DDX52: variants seen among roughly 807,000 people sequenced by gnomAD.
DDX52 encodes probable ATP-dependent RNA helicase DDX52.
Under a neutral mutation model 76.1 loss-of-function variants are expected in DDX52, and 59 were observed. The ratio of observed to expected loss-of-function variants is 0.78; its 90% confidence interval spans 0.63 to 0.96. The LOEUF is 0.96. DDX52 is among the 40% of genes least tolerant of loss of function. The probability of loss-of-function intolerance (pLI) is 0.00; values close to 1 mark genes in which losing one functional copy is unlikely to be tolerated. For synonymous variants in DDX52, 231 were observed against 244.1 expected, an observed-to-expected ratio of 0.95 and a Z score of 0.50; for missense variants, 707 against 703.9, an observed-to-expected ratio of 1.00 and a Z score of -0.05.
rs373274448 is a variant in DDX52 at position 37,618,784 on chromosome 17, C to A, written c.1650-400G>T. Among the ~76,000 whole-genome samples, 16 of 152,256 alleles carry A rather than the reference C, an allele frequency of 1.1e-4. No homozygotes were observed. The South Asian group carries it at 3.3e-3, about 32-fold the overall frequency. ...ACAGGCGTGAGCTACCACGCTCAGC[C>A]ACAAAATTCATTTTTCAAAACCATT... On this transcript the variant is annotated intron_variant, in intron 13 of 14. Transcript: ENST00000617633.
At chr17:37,619,938 C>T (rs2029996375) in intron 12 of DDX52, 99 bp from the exon 13 acceptor site, 2 of 1,103,718 alleles carry the variant, frequency 1.8e-6, no homozygotes, top group Non-Finnish European at 2.7e-6. Flanking sequence ...TAAAACTACA[C>T]AAAGTAATCC....
chr17:37,642,351 C>T, intron 1 of DDX52, 43 bp from the exon 2 acceptor site: 1 of 1,567,994 alleles, frequency 6.4e-7, no homozygotes, highest in South Asian at 1.1e-5. Flanking sequence ...TGACAGAATA[C>T]CATTGCTTTC....
At chr17:37,618,809 T>G (rs1474711284) in intron 13 of DDX52, among the ~76,000 whole-genome samples, 1 of 152,096 alleles carries the variant, frequency 6.6e-6, no homozygotes, top group Non-Finnish European at 1.5e-5. Flanking sequence ...TCAAAACCAT[T>G]TACTGGTTTA....
intron 4 of DDX52, chr17:37,631,173 T>A (rs1197456470): frequency 1.3e-5 from 2 of 152,156 alleles, no homozygotes; most frequent in African/African-American, 4.8e-5. Flanking sequence ...AAAACCCAAC[T>A]CTTATTGCTA....
At chr17:37,636,093 T>C (rs1007172628) in intron 2 of DDX52, among the ~76,000 whole-genome samples, 4 of 152,206 alleles carry the variant, frequency 2.6e-5, no homozygotes, top group Admixed American at 2.6e-4. Context: ...GAATGAAAAT[T>C]TTTAGTTTCG....
chr17:37,638,391 C>G (rs1210250987), intron 2 of DDX52, among the ~76,000 whole-genome samples: 1 of 152,192 alleles, frequency 6.6e-6, no homozygotes, highest in Non-Finnish European at 1.5e-5. Flanking sequence ...CCTCTCCACT[C>G]TACTGGATTT....
Position 37,625,871 on chromosome 17 carries a change from TAATG to T in DDX52, c.1136+20_1136+23del, listed in dbSNP as rs1472463392. On this transcript the variant is annotated intron_variant, in intron 8 of 14. Transcript: ENST00000617633. ...GTATTTAAAAAAAAAATCAGTGTGA[TAATG>T]TTGAGAAACAATTAAATACCTTGCT... The T allele has an allele frequency of 6.2e-7, 1 of 1,613,014 alleles. No homozygotes were observed. The highest frequency in any genetic ancestry group is 2.2e-5 in the East Asian group (1 of 44,886).
Position 37,626,806 on chromosome 17 carries a change from G to A in DDX52, c.914C>T (p.Pro305Leu), listed in dbSNP as rs1306748398. ...RLIYLLKQDP[P>L]GIDLASVEWL... ...TCTATACCTTGCTAGGTCGATTCCGGGGGGATCTTGCTTTAATAAATAGAT... is the reference window on the plus strand; with the variant it reads ...TCTATACCTTGCTAGGTCGATTCCGAGGGGATCTTGCTTTAATAAATAGAT... Residue 305 changes from proline (P) to leucine (L), a missense_variant, in exon 7 of 15, where the codon CCC (proline) becomes CTC (leucine). Physicochemically the swap from Pro to Leu is moderately conservative, Grantham distance 98. Transcript: ENST00000617633. 5 of 1,611,534 alleles carry A rather than the reference G, an allele frequency of 3.1e-6. No individual in the cohort carries two copies. The highest frequency in any genetic ancestry group is 3.4e-6 in the Non-Finnish European group (4 of 1,179,226).
chr17:37,618,429 C>T lies in DDX52; in HGVS notation c.1650-45G>A, dbSNP rs376597471. The T allele has an allele frequency of 2.8e-5, 40 of 1,442,792 alleles. No homozygotes were observed. The Admixed American group carries it at 2.9e-4, about 10-fold the overall frequency. The allele number at this position is 1,442,792 out of a possible 1,614,324, so 89.4% of individuals were successfully genotyped here. ...AAAGGAAAAGAATTAAGTGCAACTT[C>T]AATTAGAAGAGTTAAAGCTAAAATT... On this transcript the variant is annotated intron_variant, in intron 13 of 14. Transcript: ENST00000617633.
intron 3 of DDX52, 138 bp from the exon 4 acceptor site, chr17:37,632,436 C>T: frequency 1.2e-6 from 1 of 840,954 alleles, no homozygotes; most frequent in Non-Finnish European, 1.9e-6. Context: ...AGAATCAAAA[C>T]ATCACAGATA....
At chr17:37,639,882 C>T (rs549688512) in intron 2 of DDX52, among the ~76,000 whole-genome samples, 39 of 152,208 alleles carry the variant, frequency 2.6e-4, no homozygotes, top group African/African-American at 8.9e-4. Flanking sequence ...AAGTTTGTGG[C>T]GTGTCTTTCT....
rs1258535749 is a variant in DDX52, at chr17:37,609,917, C to T, written c.*4379G>A. 1.3e-5 allele frequency: 2 copies of T among 152,194 alleles called. No individual in the cohort carries two copies. The highest frequency in any genetic ancestry group is 4.8e-5 in the African/African-American group (2 of 41,414). The allele number at this position is 152,194 out of a possible 1,614,324, so 9.4% of individuals were successfully genotyped here. ...TGGCACCTATCACAGACGCTGAAGGCATTTAAATTTTATTTTAAATCAACC... is the reference window on the plus strand; with the variant it reads ...TGGCACCTATCACAGACGCTGAAGGTATTTAAATTTTATTTTAAATCAACC... On this transcript the variant is annotated 3_prime_UTR_variant, in exon 15 of 15. Transcript: ENST00000617633.
chr17:37,623,570 G>GTTCAC (rs1006360610), intron 9 of DDX52, among the ~76,000 whole-genome samples: 6 of 152,116 alleles, frequency 3.9e-5, no homozygotes. Context: ...AACACATGGT[G>GTTCAC]TTCACTTCCA....
chr17:37,635,657 TA>T (rs2030891525), intron 2 of DDX52: 1 of 455,552 alleles, frequency 2.2e-6, no homozygotes. Context: ...GCAATGTTGC[TA>T]TGAAAATTTG....
chr17:37,628,616 GATC>G lies in DDX52; in HGVS notation c.801_803del (p.Met267del), dbSNP rs781766365. On this transcript the variant is annotated inframe_deletion, in exon 6 of 15. Transcript: ENST00000617633. ...TCTTGGCTGCCACTGCTGCTTTGTG[GATC>G]ATGTGTATTCTGAATCCTGTTCCCT... The G allele has an allele frequency of 6.2e-7, 1 of 1,611,540 alleles. No homozygotes were observed. The highest frequency in any genetic ancestry group is 1.1e-5 in the South Asian group (1 of 90,178).
chr17:37,637,973 GA>G (rs1311748776), intron 2 of DDX52, among the ~76,000 whole-genome samples: 5 of 152,338 alleles, frequency 3.3e-5, no homozygotes, highest in Non-Finnish European at 5.9e-5. Flanking sequence ...CAAGAGCAGA[GA>G]TTTCAAAAGA....
chr17:37,642,428 A>G, intron 1 of DDX52, 120 bp from the exon 2 acceptor site: 1 of 1,166,722 alleles, frequency 8.6e-7, no homozygotes, highest in South Asian at 1.4e-5. Context: ...TGTCGAGCTA[A>G]CAGGTGTCTG....
chr17:37,617,621 T>G (rs1490136866), intron 14 of DDX52, among the ~76,000 whole-genome samples: 1 of 152,246 alleles, frequency 6.6e-6, no homozygotes, highest in Non-Finnish European at 1.5e-5. Context: ...GAGATCATAT[T>G]GAAATCCTGC....
intron 14 of DDX52, 144 bp downstream of exon 14, chr17:37,618,148 G>A (rs2029892390): frequency 3.2e-6 from 2 of 627,494 alleles, no homozygotes; most frequent in Non-Finnish European, 5.2e-6. Flanking sequence ...CCAATTATAG[G>A]CAACCTAAAA....
Sources: allele counts gnomAD v4.1 joint callset (sites outside exome capture counted in the v4.1 genomes callset), GRCh38; gene constraint gnomAD v4.1.1; transcripts MANE v1.5; gene names NCBI Gene and HGNC (gene_info 2026-07-23, HGNC 2026-07-21).